SUPT3H: variants seen among roughly 807,000 people sequenced by gnomAD.
The protein encoded by SUPT3H is transcription initiation protein SPT3 homolog.
Under a neutral mutation model 44.3 loss-of-function variants are expected in SUPT3H, and 44 were observed. The ratio of observed to expected loss-of-function variants is 0.99; its 90% CI spans 0.78 to 1.28. The LOEUF is 1.28. Ranked by LOEUF, SUPT3H falls within the 50% of genes most tolerant of loss-of-function variation. SUPT3H has a pLI of 0.00. For synonymous variants in SUPT3H, 124 were observed against 125.6 expected, an observed-to-expected ratio of 0.99 and a Z score of 0.09; for missense variants, 380 against 387.1, an observed-to-expected ratio of 0.98 and a Z score of 0.15.
chr6:45,329,398 G>A (rs2150070509), intron 2 of SUPT3H, among the ~76,000 whole-genome samples: 1 of 151,962 alleles, frequency 6.6e-6, no homozygotes, highest in South Asian at 2.1e-4. Context: ...ATAAAATTAT[G>A]ATAAGCACAT....
At chr6:45,051,589 T>A (rs537022168) in intron 3 of SUPT3H, among the ~76,000 whole-genome samples, 204 of 152,008 alleles carry the variant, frequency 1.3e-3, no homozygotes, top group Admixed American at 2.1e-3. Flanking sequence ...AACAACTCAT[T>A]AAAACTCTAA....
intron 2 of SUPT3H, among the ~76,000 whole-genome samples, chr6:45,275,290 T>C (rs1170549955): frequency 1.3e-5 from 2 of 152,186 alleles, no homozygotes; most frequent in African/African-American, 4.8e-5. Context: ...TTCATGACTA[T>C]GTTCAGTTTT....
intron 3 of SUPT3H, among the ~76,000 whole-genome samples, chr6:45,056,199 G>A (rs1382674093): frequency 3.9e-5 from 6 of 152,154 alleles, no homozygotes; most frequent in Admixed American, 1.3e-4. Flanking sequence ...TGTCGTGGAT[G>A]TGGTGAAAAG....
At chr6:45,171,200 G>A (rs1303196304) in intron 2 of SUPT3H, among the ~76,000 whole-genome samples, 1 of 152,040 alleles carries the variant, frequency 6.6e-6, no homozygotes, top group Non-Finnish European at 1.5e-5. Flanking sequence ...TTGAGCATGA[G>A]CATTAAGATG....
chr6:44,878,704 T>C (rs182658268), intron 10 of SUPT3H, among the ~76,000 whole-genome samples: 1 of 152,268 alleles, frequency 6.6e-6, no homozygotes, highest in East Asian at 1.9e-4. Context: ...GGGTGATTTC[T>C]GCATTTCCAG....
Position 45,135,041 on chromosome 6 carries a change from G to A in SUPT3H, c.102-29035C>T, listed in dbSNP as rs73738610. 3.9e-3 allele frequency among the ~76,000 whole-genome samples: 595 copies of A among 152,306 alleles called. 7 individuals carry two copies. The highest frequency in any genetic ancestry group is 0.014 in the African/African-American group (567 of 41,556). ...GCAGAATTAGCAAAGTTTACAGGTTGTACCTTCAGGAGTAGTGGCATAATC... is the reference window on the plus strand; with the variant it reads ...GCAGAATTAGCAAAGTTTACAGGTTATACCTTCAGGAGTAGTGGCATAATC... On this transcript the variant is annotated intron_variant, in intron 2 of 10. Transcript: ENST00000371459.
chr6:45,178,181 T>C (rs923981809), intron 2 of SUPT3H, among the ~76,000 whole-genome samples: 5 of 152,118 alleles, frequency 3.3e-5, no homozygotes, highest in Non-Finnish European at 5.9e-5. Flanking sequence ...ACCCATCTCA[T>C]GTGCAGAGAC....
chr6:45,362,080 C>T (rs1386993446), intron 2 of SUPT3H, among the ~76,000 whole-genome samples: 4 of 152,078 alleles, frequency 2.6e-5, no homozygotes, highest in Admixed American at 2.0e-4. Flanking sequence ...AACAACAACA[C>T]AACTTCTGTT....
chr6:44,897,446 T>TTC (rs1764281075), intron 10 of SUPT3H, among the ~76,000 whole-genome samples: 3 of 152,234 alleles, frequency 2.0e-5, no homozygotes, highest in African/African-American at 7.2e-5. Context: ...AATTTCCTCT[T>TTC]TTGAAATGAC....
intron 3 of SUPT3H, among the ~76,000 whole-genome samples, chr6:45,092,269 T>C (rs1261007225): frequency 6.6e-6 from 1 of 152,314 alleles, no homozygotes; most frequent in East Asian, 1.9e-4. Context: ...GTACTGAGCA[T>C]GATTTTTACA....
intron 2 of SUPT3H, among the ~76,000 whole-genome samples, chr6:45,307,603 C>T (rs778990355): frequency 2.6e-5 from 4 of 152,170 alleles, no homozygotes; most frequent in African/African-American, 9.7e-5. Flanking sequence ...ACATTCACAC[C>T]AAAACCCCAT....
intron 10 of SUPT3H, among the ~76,000 whole-genome samples, chr6:44,868,321 A>G (rs1775829233): frequency 6.6e-6 from 1 of 152,180 alleles, no homozygotes; most frequent in Non-Finnish European, 1.5e-5. Context: ...AAACCCCAGG[A>G]AAACGTAAAG....
rs1271706827 is a variant in SUPT3H, at chr6:45,245,036, C to T, written c.101+120165G>A. ...TCCACAGTAAAACTAGCTTTACCTTCGAGCATTAAAAGATTTTGTAAAAAT... is the reference window on the plus strand; with the variant it reads ...TCCACAGTAAAACTAGCTTTACCTTTGAGCATTAAAAGATTTTGTAAAAAT... On this transcript the variant is annotated intron_variant, in intron 2 of 10. Transcript: ENST00000371459. Among the ~76,000 whole-genome samples the T allele has an allele frequency of 2.6e-5, 4 of 152,160 alleles. No homozygotes were observed. In the East Asian group the frequency reaches 7.7e-4, roughly 29 times the overall value.
chr6:44,939,347 TG>T (rs35218721), intron 9 of SUPT3H, among the ~76,000 whole-genome samples: 63,312 of 151,974 alleles, frequency 0.42, 13,564 homozygotes, highest in East Asian at 0.7. Flanking sequence ...TCCTTCATTC[TG>T]TTTATGTAAT....
chr6:45,032,276 G>A (rs1238272887), intron 3 of SUPT3H, among the ~76,000 whole-genome samples: 1 of 152,130 alleles, frequency 6.6e-6, no homozygotes, highest in Non-Finnish European at 1.5e-5. Flanking sequence ...GTTTCCCTAA[G>A]CTCAGATGTC....
At chr6:44,904,164 T>A (rs1260045747) in intron 10 of SUPT3H, among the ~76,000 whole-genome samples, 1 of 152,170 alleles carries the variant, frequency 6.6e-6, no homozygotes, top group Non-Finnish European at 1.5e-5. Flanking sequence ...CAACATAGTG[T>A]TGGAAGTTCT....
rs182102536 is a variant in SUPT3H at position 44,859,500 on chromosome 6, C to A, written c.913-29643G>T. Among the ~76,000 whole-genome samples, 4 of 152,196 alleles carry A rather than the reference C, an allele frequency of 2.6e-5. No individual in the cohort carries two copies. In the East Asian group the frequency reaches 5.8e-4, roughly 22 times the overall value. On this transcript the variant is annotated intron_variant, in intron 10 of 10. Coordinates refer to ENST00000371459, the MANE Select transcript of SUPT3H (RefSeq NM_003599.4). ...GTGTTATATCCTGGCAAGTGAAATA[C>A]AGAACCCCTTTGTAGTAAAGCTATC...
downstream of SUPT3H, among the ~76,000 whole-genome samples, chr6:44,824,157 C>T (rs1767569004): frequency 6.6e-6 from 1 of 152,202 alleles, no homozygotes; most frequent in Non-Finnish European, 1.5e-5. Context: ...AACAGACTGT[C>T]TAAAGCCATT....
chr6:45,353,838 C>T (rs1182922117), intron 2 of SUPT3H, among the ~76,000 whole-genome samples: 10 of 148,696 alleles, frequency 6.7e-5, no homozygotes, highest in African/African-American at 1.5e-4. Flanking sequence ...TAGGTGCTGG[C>T]GGGGAAAATA....
Sources: gnomAD v4.1 joint callset for allele counts (sites outside exome capture counted in the v4.1 genomes callset) on GRCh38, gnomAD v4.1.1 for gene constraint, MANE v1.5 for transcripts, NCBI Gene and HGNC (gene_info 2026-07-23, HGNC 2026-07-21) for gene names.